ANTXR1: variants seen among roughly 807,000 people sequenced by gnomAD.
ANTXR1 encodes the protein anthrax toxin receptor 1.
A neutral mutation model predicts 78.1 loss-of-function variants in ANTXR1; 19 were observed. The ratio of observed to expected loss-of-function variants is 0.24; its 90% CI spans 0.17 to 0.36. The LOEUF (loss-of-function observed/expected upper bound fraction) is 0.36, where lower values mean the gene tolerates loss of function less well. Among genes scored for constraint, ANTXR1 ranks in the 10% least tolerant of loss-of-function variants. ANTXR1 has a pLI of 1.00. For missense variants in ANTXR1, 518 were observed against 718.6 expected, an observed-to-expected ratio of 0.72 and a Z score of 3.19; for synonymous variants, 273 against 260.5, an observed-to-expected ratio of 1.05 and a Z score of -0.46.
rs576005926 is a variant in ANTXR1, at chr2:69,066,277, CT to C, written c.297-4366del. Among the ~76,000 whole-genome samples, 4 of 151,950 alleles carry C rather than the reference CT, an allele frequency of 2.6e-5. No homozygotes were observed. In the East Asian group the frequency reaches 7.7e-4, roughly 29 times the overall value. On this transcript the variant is annotated intron_variant, in intron 3 of 17. Transcript: ENST00000303714. The stretch of plus-strand genomic sequence containing the variant: ...TTCTTGACATTCTATGTGTGTCCAT[CT>C]TTTATTTTTTTTTCTTTCTTTTATT...
chr2:69,079,399 G>A lies in ANTXR1; in HGVS notation c.642+1911G>A, dbSNP rs142670936. Among the ~76,000 whole-genome samples, 7 of 152,242 alleles carry A rather than the reference G, an allele frequency of 4.6e-5. No homozygotes were observed. The East Asian group carries it at 1.4e-3, about 29-fold the overall frequency. On this transcript the variant is annotated intron_variant, in intron 8 of 17. Transcript: ENST00000303714. ...TTCTGGGCAGGAGTCCTCATGAGAA[G>A]GCAGCGCAGACCCGAATCATTGAAA... is the stretch of plus-strand genomic sequence containing the variant.
At chr2:69,151,192 T>TA (rs1392886308) in intron 12 of ANTXR1, among the ~76,000 whole-genome samples, 1 of 142,102 alleles carries the variant, frequency 7.0e-6, no homozygotes, top group African/African-American at 2.6e-5. Flanking sequence ...TTTTCTTTTT[T>TA]TTTTTTTTTT....
At chr2:69,055,697 A>G (rs941771455) in intron 3 of ANTXR1, among the ~76,000 whole-genome samples, 1 of 152,176 alleles carries the variant, frequency 6.6e-6, no homozygotes, top group South Asian at 2.1e-4. Flanking sequence ...TAATTCCATT[A>G]TATGTGATGT....
chr2:69,014,831 G>T (rs1670974351), intron 1 of ANTXR1, among the ~76,000 whole-genome samples: 1 of 152,176 alleles, frequency 6.6e-6, no homozygotes, highest in Admixed American at 6.5e-5. Flanking sequence ...TGATTTTTCC[G>T]TAAAGGCTGT....
At chr2:69,223,875 G>T in intron 17 of ANTXR1, among the ~76,000 whole-genome samples, 1 of 152,182 alleles carries the variant, frequency 6.6e-6, no homozygotes, top group East Asian at 1.9e-4. Flanking sequence ...GAATGTAGGT[G>T]TATACCCAAT....
intron 17 of ANTXR1, among the ~76,000 whole-genome samples, chr2:69,201,445 A>AGCCT (rs1055245251): frequency 6.6e-6 from 1 of 152,106 alleles, no homozygotes; most frequent in African/African-American, 2.4e-5. Flanking sequence ...CGGCCGTGGG[A>AGCCT]GCCTGCTCTG....
chr2:69,199,755 C>T (rs1042793368), intron 17 of ANTXR1, among the ~76,000 whole-genome samples: 1 of 152,116 alleles, frequency 6.6e-6, no homozygotes, highest in Non-Finnish European at 1.5e-5. Context: ...TTCTAATGGG[C>T]ATCTAAGGTT....
At chr2:69,201,103 C>T (rs1344146234) in intron 17 of ANTXR1, among the ~76,000 whole-genome samples, 3 of 152,080 alleles carry the variant, frequency 2.0e-5, no homozygotes, top group African/African-American at 4.8e-5. Context: ...TCCCTGCCCT[C>T]GAGGAACAGG....
intron 13 of ANTXR1, among the ~76,000 whole-genome samples, chr2:69,156,788 AC>A (rs1171771610): frequency 2.6e-5 from 4 of 152,134 alleles, no homozygotes; most frequent in Non-Finnish European, 5.9e-5. Flanking sequence ...GAGAAACCCC[AC>A]CGCCATGATC....
chr2:69,063,572 A>AG (rs199577401), intron 3 of ANTXR1, among the ~76,000 whole-genome samples: 101 of 141,790 alleles, frequency 7.1e-4, no homozygotes, highest in African/African-American at 2.4e-3. Context: ...CTAGATCCAC[A>AG]AAAAACAAAT....
chr2:69,101,761 CT>C, intron 9 of ANTXR1, among the ~76,000 whole-genome samples: 1 of 152,190 alleles, frequency 6.6e-6, no homozygotes, highest in East Asian at 1.9e-4. Flanking sequence ...ATTTTTTCCT[CT>C]GACCTTCAGT....
intron 17 of ANTXR1, among the ~76,000 whole-genome samples, chr2:69,211,073 C>G (rs1442206058): frequency 6.6e-6 from 1 of 151,912 alleles, no homozygotes; most frequent in East Asian, 1.9e-4. Flanking sequence ...GAAAAGGCTA[C>G]AGAGAGGAGG....
intron 16 of ANTXR1, among the ~76,000 whole-genome samples, chr2:69,189,637 G>A (rs889881454): frequency 2.6e-5 from 4 of 152,242 alleles, no homozygotes; most frequent in African/African-American, 2.4e-5. Flanking sequence ...CTGTGGAGGT[G>A]GTGGGTCAGG....
At chr2:69,235,834 AAAGAACTACCC>A (rs1432972442) in intron 17 of ANTXR1, among the ~76,000 whole-genome samples, 78 of 152,120 alleles carry the variant, frequency 5.1e-4, no homozygotes, top group South Asian at 1.0e-3. Flanking sequence ...ATACTGCTAT[AAAGAACTACCC>A]AAGACCAGAT....
chr2:69,078,881 G>C (rs1475130380), intron 8 of ANTXR1, among the ~76,000 whole-genome samples: 3 of 152,006 alleles, frequency 2.0e-5, no homozygotes, highest in Admixed American at 2.0e-4. Flanking sequence ...AATTATGTTT[G>C]TAATACCTAT....
chr2:69,038,629 A>T (rs1287773776), intron 1 of ANTXR1, among the ~76,000 whole-genome samples: 1 of 152,212 alleles, frequency 6.6e-6, no homozygotes, highest in Non-Finnish European at 1.5e-5. Flanking sequence ...GAATATATTC[A>T]TAGAAATTGT....
chr2:69,031,321 GAAC>G (rs1381211513), intron 1 of ANTXR1, among the ~76,000 whole-genome samples: 1 of 152,080 alleles, frequency 6.6e-6, no homozygotes, highest in Non-Finnish European at 1.5e-5. Flanking sequence ...GTTAAGTTTT[GAAC>G]AAGAGACACT....
intron 12 of ANTXR1, among the ~76,000 whole-genome samples, chr2:69,147,176 C>T (rs111228508): frequency 6.6e-6 from 1 of 152,214 alleles, no homozygotes; most frequent in African/African-American, 2.4e-5. Context: ...TGCCTCCCAG[C>T]CACTGGCAAA....
chr2:69,139,884 C>G (rs373283230), intron 12 of ANTXR1, among the ~76,000 whole-genome samples: 1 of 152,184 alleles, frequency 6.6e-6, no homozygotes, highest in Admixed American at 6.5e-5. Context: ...AGACACCAGC[C>G]TTTCTCTTCC....
Sources: gnomAD v4.1 joint callset for allele counts (sites outside exome capture counted in the v4.1 genomes callset) on GRCh38, gnomAD v4.1.1 for gene constraint, MANE v1.5 for transcripts, NCBI Gene and HGNC (gene_info 2026-07-23, HGNC 2026-07-21) for gene names.